Variants in PRMT8 observed in about 807,000 individuals in gnomAD.
The protein encoded by PRMT8 is protein arginine methyltransferase 8.
PRMT8 carries 7 observed loss-of-function variants against 47.1 expected under a neutral mutation model. The observed-to-expected ratio is 0.15, with a 90% CI of 0.08 to 0.28. The LOEUF (loss-of-function observed/expected upper bound fraction) is 0.28, where lower values mean the gene tolerates loss of function less well. PRMT8 is among the 10% of genes least tolerant of loss of function. The pLI is 1.00. For synonymous variants in PRMT8, 188 were observed against 186.5 expected (o/e 1.01, Z -0.07); for missense variants, 237 against 505.4 (o/e 0.47, Z 5.09).
chr12:3,391,455 G>A (rs930539591), intron 1 of PRMT8, among the ~76,000 whole-genome samples: 2 of 152,208 alleles, frequency 1.3e-5, no homozygotes, highest in Non-Finnish European at 2.9e-5. Flanking sequence ...ATGCCCTGGG[G>A]CAAAATCACT....
intron 7 of PRMT8, among the ~76,000 whole-genome samples, 166 bp downstream of exon 7, chr12:3,577,152 G>A (rs777279045): frequency 6.6e-6 from 1 of 152,228 alleles, no homozygotes; most frequent in Non-Finnish European, 1.5e-5. Flanking sequence ...CTGGCAGTCC[G>A]CCTGGACACA....
chr12:3,489,989 C>G (rs898576089), upstream of PRMT8, among the ~76,000 whole-genome samples: 5 of 152,120 alleles, frequency 3.3e-5, no homozygotes, highest in African/African-American at 1.2e-4. Flanking sequence ...GGCATGTTTC[C>G]TACTGAGAAT....
chr12:3,514,970 C>T lies in PRMT8; in HGVS notation c.75+23270C>T, dbSNP rs1388911094. Among the ~76,000 whole-genome samples the T allele has an allele frequency of 6.6e-6, 1 of 152,220 alleles. No homozygotes were observed. The highest frequency in any genetic ancestry group is 1.9e-4 in the East Asian group (1 of 5,196). On this transcript the variant is annotated intron_variant, in intron 1 of 9. Coordinates refer to ENST00000382622, the MANE Select transcript of PRMT8 (RefSeq NM_019854.5). The surrounding 1 kb of genome is among the most constrained non-coding windows in gnomAD (Gnocchi z 5.9). ...GTTGACAAACAGAAATTATGGATGC[C>T]ATTCATCCAGCACTTGCTATGTGCC...
chr12:3,387,208 C>T (rs936145042), intron 1 of PRMT8, among the ~76,000 whole-genome samples: 3 of 152,184 alleles, frequency 2.0e-5, no homozygotes, highest in Admixed American at 2.0e-4. Flanking sequence ...TGCTTTTCCT[C>T]TTTTAAGCTT....
At chr12:3,558,969 T>C (rs559435520) in intron 4 of PRMT8, among the ~76,000 whole-genome samples, 1 of 146,072 alleles carries the variant, frequency 6.8e-6, no homozygotes, top group Admixed American at 6.7e-5. Flanking sequence ...TACCTATCTA[T>C]CTATCTATCT....
chr12:3,591,378 C>T (rs865987656), intron 8 of PRMT8, among the ~76,000 whole-genome samples: 9 of 150,400 alleles, frequency 6.0e-5, no homozygotes, highest in East Asian at 1.9e-4. Context: ...TTTAGTTCCC[C>T]GTGCACAGAG....
At chr12:3,489,731 C>T (rs909820616), upstream of PRMT8, among the ~76,000 whole-genome samples, 1 of 152,172 alleles carries the variant, frequency 6.6e-6, no homozygotes, top group South Asian at 2.1e-4. Flanking sequence ...CTCACTCACC[C>T]CCAACTCTAA....
intron 1 of PRMT8, chr12:3,468,917 G>A (rs1865133088): frequency 5.1e-6 from 1 of 196,290 alleles, no homozygotes; most frequent in Non-Finnish European, 1.0e-5. Context: ...TAGAAATAAA[G>A]GAAGGCTCCT....
intron 7 of PRMT8, among the ~76,000 whole-genome samples, chr12:3,577,960 C>T (rs1220456619): frequency 1.3e-5 from 2 of 152,216 alleles, no homozygotes; most frequent in Non-Finnish European, 2.9e-5. Flanking sequence ...CATCCTCCTC[C>T]AGAGGTAACC....
rs1867323079 is a variant in PRMT8, at chr12:3,592,291, C to T, written c.1040C>T (p.Thr347Ile). ...GTCTTCTACTTGGAAGATTACCTCA[C>T]TGTCCGGAGGGGGGAGGAAATCTAC... is the stretch of plus-strand genomic sequence containing the variant. Reference protein sequence around the residue: ...QTVFYLEDYLTVRRGEEIYGT... With the variant: ...QTVFYLEDYLIVRRGEEIYGT... The change falls in exon 9 of 10, where the codon ACT becomes ATT. Residue 347 changes from threonine (T) to isoleucine (I), a missense_variant. Coordinates refer to ENST00000382622, the MANE Select transcript of PRMT8 (RefSeq NM_019854.5). 2 of 1,597,970 alleles carry T rather than the reference C, an allele frequency of 1.3e-6. No homozygotes were observed. The highest frequency in any genetic ancestry group is 2.7e-5 in the African/African-American group (2 of 73,970).
At chr12:3,449,634 A>T (rs1434171370) in intron 1 of PRMT8, among the ~76,000 whole-genome samples, 3 of 152,016 alleles carry the variant, frequency 2.0e-5, no homozygotes, top group African/African-American at 7.3e-5. Context: ...TGGATATTAG[A>T]CCTTGTCAGA....
At chr12:3,505,698 G>C (rs1208326136) in intron 1 of PRMT8, among the ~76,000 whole-genome samples, 1 of 152,230 alleles carries the variant, frequency 6.6e-6, no homozygotes, top group East Asian at 1.9e-4. Flanking sequence ...GTAAGTAGCA[G>C]AGCTGGAATG....
chr12:3,435,395 C>G (rs1864727586), intron 1 of PRMT8, among the ~76,000 whole-genome samples: 1 of 152,182 alleles, frequency 6.6e-6, no homozygotes, highest in Admixed American at 6.5e-5. Context: ...ATTAGACCAC[C>G]TTGCCTCCTT....
Position 3,583,819 on chromosome 12 carries a change from C to T in PRMT8, c.979+611C>T, listed in dbSNP as rs1271878984. On this transcript the variant is annotated intron_variant, in intron 8 of 9. Transcript: ENST00000382622. The surrounding 1 kb of genome is among the most constrained non-coding windows in gnomAD (Gnocchi z 4.7). ...CATGGCCTGGCCCTGGCCCACTCTC[C>T]AGCCTCATTCCTCACCACCCCTCTT... is the stretch of plus-strand genomic sequence containing the variant. Among the ~76,000 whole-genome samples the T allele has an allele frequency of 6.6e-6, 1 of 152,242 alleles. No homozygotes were observed. Among genetic ancestry groups the T allele is most frequent in the Non-Finnish European group, 1.5e-5 (1 of 68,038 alleles).
intron 1 of PRMT8, among the ~76,000 whole-genome samples, chr12:3,480,716 T>C (rs1341667919): frequency 6.6e-6 from 1 of 152,136 alleles, no homozygotes; most frequent in Non-Finnish European, 1.5e-5. Flanking sequence ...CATAACTTAC[T>C]GGCAGGCAGA....
At chr12:3,537,708 C>A (rs904013112) in intron 1 of PRMT8, among the ~76,000 whole-genome samples, 8 of 152,144 alleles carry the variant, frequency 5.3e-5, no homozygotes, top group African/African-American at 1.9e-4. Flanking sequence ...TTGATTCCAG[C>A]TCCTCTCTCT....
At chr12:3,517,457 C>T (rs778084308) in intron 1 of PRMT8, among the ~76,000 whole-genome samples, 2 of 152,084 alleles carry the variant, frequency 1.3e-5, no homozygotes, top group South Asian at 2.1e-4. Flanking sequence ...CAGGAGACAG[C>T]GAAAGTGACA....
chr12:3,511,405 C>T (rs1304912452), intron 1 of PRMT8, among the ~76,000 whole-genome samples: 3 of 152,180 alleles, frequency 2.0e-5, no homozygotes. Context: ...AGGACTTGGA[C>T]AATCTGAACT....
chr12:3,408,378 CA>C (rs1184523303), intron 1 of PRMT8, among the ~76,000 whole-genome samples: 2 of 152,034 alleles, frequency 1.3e-5, no homozygotes, highest in East Asian at 3.9e-4. Flanking sequence ...GGACTACAGG[CA>C]CTCAACAATA....
Sources: allele counts gnomAD v4.1 joint callset (sites outside exome capture counted in the v4.1 genomes callset), GRCh38; gene constraint gnomAD v4.1.1; non-coding constraint Gnocchi (gnomAD v3.1); transcripts MANE v1.5; gene names NCBI Gene and HGNC (gene_info 2026-07-23, HGNC 2026-07-21).